Variants in CASK observed in about 807,000 individuals in gnomAD.
CASK encodes the protein peripheral plasma membrane protein CASK.
CASK carries 4 observed loss-of-function variants against 82.9 expected under a neutral mutation model. The observed-to-expected ratio is 0.05, with a 90% CI of 0.02 to 0.11. CASK has a LOEUF of 0.11. Ranked by LOEUF, CASK falls within the 10% of genes least tolerant of loss-of-function variation. CASK has a pLI of 1.00. For synonymous variants in CASK, 259 were observed against 253.5 expected, an observed-to-expected ratio of 1.02 and a Z score of -0.20; for missense variants, 358 against 720.9, an observed-to-expected ratio of 0.50 and a Z score of 5.76.
At chrX:41,681,567 G>A (rs2067355215) in intron 5 of CASK, among the ~76,000 whole-genome samples, 1 of 111,495 alleles carries the variant, frequency 9.0e-6, no homozygotes, top group Admixed American at 9.6e-5. Flanking sequence ...CACAGTAAAA[G>A]TAATCTCACA....
intron 5 of CASK, among the ~76,000 whole-genome samples, chrX:41,681,100 G>C (rs1290148515): frequency 9.0e-6 from 1 of 111,005 alleles, no homozygotes; most frequent in Admixed American, 9.6e-5. Context: ...GTTTTTTTTG[G>C]AGATTCGTAA....
At chrX:41,864,012 C>T (rs774956899) in intron 1 of CASK, among the ~76,000 whole-genome samples, 6 of 111,212 alleles carry the variant, frequency 5.4e-5, no homozygotes, top group Non-Finnish European at 1.1e-4. Context: ...AGCTAGGGGG[C>T]GGAGGTTAAT....
chrX:41,845,580 C>T (rs933007848), intron 2 of CASK, among the ~76,000 whole-genome samples: 35 of 111,457 alleles, frequency 3.1e-4, no homozygotes, highest in African/African-American at 1.0e-3. Flanking sequence ...TTACTTTCAA[C>T]TTATATGTAT....
chrX:41,616,152 T>C (rs766465270), intron 11 of CASK, among the ~76,000 whole-genome samples: 10 of 111,885 alleles, frequency 8.9e-5, no homozygotes, highest in Admixed American at 3.8e-4. Flanking sequence ...CATGAGTTAC[T>C]TATGTGCGTG....
At chrX:41,768,962 T>C (rs1400029809) in intron 3 of CASK, among the ~76,000 whole-genome samples, 2 of 111,731 alleles carry the variant, frequency 1.8e-5, no homozygotes, top group Non-Finnish European at 3.8e-5. Flanking sequence ...TAAATGCAAA[T>C]TAAACCAAAA....
At chrX:41,545,293 C>T (rs748131424) in intron 21 of CASK, among the ~76,000 whole-genome samples, 5 of 112,437 alleles carry the variant, frequency 4.4e-5, no homozygotes, top group Non-Finnish European at 9.4e-5. Flanking sequence ...TCCCAAAATG[C>T]TGGGATTACA....
At chrX:41,538,453 G>A (rs1312816620) in intron 22 of CASK, among the ~76,000 whole-genome samples, 2 of 111,647 alleles carry the variant, frequency 1.8e-5, no homozygotes, top group Admixed American at 1.9e-4. Flanking sequence ...AGTCCTGGGG[G>A]CTGAGGAATC....
intron 7 of CASK, among the ~76,000 whole-genome samples, chrX:41,661,175 T>C (rs2067025786): frequency 9.0e-6 from 1 of 111,632 alleles, no homozygotes. Flanking sequence ...AAAATAATTA[T>C]GAATTGTTCA....
intron 3 of CASK, among the ~76,000 whole-genome samples, chrX:41,769,486 G>C (rs2069176848): frequency 1.8e-5 from 2 of 111,024 alleles, no homozygotes; most frequent in Non-Finnish European, 3.8e-5. Flanking sequence ...CTCCAGCACT[G>C]AGCTGATGCC....
chrX:41,834,698 T>TC (rs1338440260), intron 2 of CASK, among the ~76,000 whole-genome samples: 1 of 111,909 alleles, frequency 8.9e-6, no homozygotes, highest in African/African-American at 3.2e-5. Flanking sequence ...CAATAGTTTC[T>TC]CCCCCTTGCG....
At chrX:41,812,542 C>G (rs1254400561) in intron 2 of CASK, among the ~76,000 whole-genome samples, 1 of 111,239 alleles carries the variant, frequency 9.0e-6, no homozygotes, top group Non-Finnish European at 1.9e-5. Context: ...ATTCAACAGC[C>G]CTTCATGCTA....
At chrX:41,523,605 G>C (rs1365937714) in intron 26 of CASK, among the ~76,000 whole-genome samples, 1 of 112,463 alleles carries the variant, frequency 8.9e-6, no homozygotes, top group African/African-American at 3.2e-5. Context: ...CTTGACAGTG[G>C]ACAGAGCTGA....
At chrX:41,536,911 C>CT (rs1249645402) in intron 22 of CASK, among the ~76,000 whole-genome samples, 3 of 111,442 alleles carry the variant, frequency 2.7e-5, no homozygotes, top group African/African-American at 9.8e-5. Context: ...CTATTGCCCT[C>CT]TGAGTGATAT....
chrX:41,850,487 A>C (rs1355951017), intron 2 of CASK, among the ~76,000 whole-genome samples: 1 of 112,368 alleles, frequency 8.9e-6, no homozygotes, highest in Non-Finnish European at 1.9e-5. Context: ...AAAATAAAAT[A>C]ATAAAATGAA....
At chrX:41,788,549 C>T (rs895367625) in intron 2 of CASK, among the ~76,000 whole-genome samples, 3 of 111,848 alleles carry the variant, frequency 2.7e-5, no homozygotes, top group Middle Eastern at 4.2e-3. Context: ...TTTATTAATT[C>T]AACTTAGTCT....
chrX:41,602,552 C>G (rs5918210), intron 12 of CASK, among the ~76,000 whole-genome samples: 13,047 of 109,902 alleles, frequency 0.12, 722 homozygotes, highest in Middle Eastern at 0.18. Context: ...GATATTACTT[C>G]TTCCTTTCCA....
chrX:41,772,345 C>CAAA (rs761427437), intron 3 of CASK, among the ~76,000 whole-genome samples: 6 of 26,354 alleles, frequency 2.3e-4, no homozygotes, highest in African/African-American at 7.1e-4. Context: ...GACTCTGTCT[C>CAAA]AAAAAAAAAA....
chrX:41,576,879 G>A (rs776297767), intron 15 of CASK, among the ~76,000 whole-genome samples: 4 of 111,344 alleles, frequency 3.6e-5, no homozygotes, highest in Non-Finnish European at 1.9e-5. Flanking sequence ...TGCCCCCCAT[G>A]TGCTGCAAGA....
chrX:41,673,550 A>C (rs2067223167), intron 5 of CASK, among the ~76,000 whole-genome samples: 1 of 111,925 alleles, frequency 8.9e-6, no homozygotes, highest in Non-Finnish European at 1.9e-5. Flanking sequence ...GGGACTAGGG[A>C]ATTGCTATTT....
Sources: allele counts gnomAD v4.1 joint callset (sites outside exome capture counted in the v4.1 genomes callset), GRCh38; gene constraint gnomAD v4.1.1; transcripts MANE v1.5; gene names NCBI Gene and HGNC (gene_info 2026-07-23, HGNC 2026-07-21).